The following DHX8 variants were observed in gnomAD, a reference collection of about 807,000 sequenced individuals.
DHX8 encodes ATP-dependent RNA helicase DHX8.
DHX8 carries 67 observed loss-of-function variants against 140.7 expected under a neutral mutation model. That is an observed-to-expected ratio of 0.48 (90% CI 0.39 to 0.58). DHX8 has a LOEUF of 0.58. Among genes scored for constraint, DHX8 ranks in the 20% least tolerant of loss-of-function variants. DHX8 has a pLI of 0.00. For synonymous variants in DHX8, 533 were observed against 553.2 expected (o/e 0.96, Z 0.51); for missense variants, 887 against 1,550.7 (o/e 0.57, Z 7.19).
chr17:43,503,951 C>A (rs1312564395), intron 11 of DHX8, among the ~76,000 whole-genome samples: 1 of 152,046 alleles, frequency 6.6e-6, no homozygotes. Context: ...GTGGCTCATA[C>A]CTGTAATCCC....
downstream of DHX8, chr17:43,544,681 G>T (rs1425226158): frequency 3.4e-6 from 1 of 291,736 alleles, no homozygotes; most frequent in East Asian, 5.6e-5. Flanking sequence ...AGGAAAATGG[G>T]CCTGGGGCCA....
At chr17:43,502,520 G>T (rs12943862) in intron 11 of DHX8, among the ~76,000 whole-genome samples, 2 of 152,162 alleles carry the variant, frequency 1.3e-5, no homozygotes, top group African/African-American at 4.8e-5. Flanking sequence ...TGCCTCCTGG[G>T]TTCAAGCGAT....
chr17:43,499,912 T>C (rs762859536), intron 10 of DHX8, 44 bp from the exon 11 acceptor site: 1 of 1,606,464 alleles, frequency 6.2e-7, no homozygotes. Flanking sequence ...ACATATTATT[T>C]CCCGGACATT....
downstream of DHX8, chr17:43,529,741 C>A: frequency 1.3e-6 from 2 of 1,590,280 alleles, no homozygotes; most frequent in South Asian, 2.3e-5. Context: ...AACCGCCTCC[C>A]ACCCGAGGGA....
Position 43,493,819 on chromosome 17 carries a change from A to G in DHX8, c.1145A>G (p.Glu382Gly), listed in dbSNP as rs1968685987. 1.9e-6 allele frequency: 3 copies of G among 1,614,110 alleles called. No individual in the cohort carries two copies. In the Admixed American group the frequency reaches 5.0e-5, roughly 27 times the overall value. ...TCCCTTGTCAGTGCTCCTGAAGTAGAGGACGACTCACTGGAACGCAAGCGC... is the reference window on the plus strand; with the variant it reads ...TCCCTTGTCAGTGCTCCTGAAGTAGGGGACGACTCACTGGAACGCAAGCGC... ...HLSLVSAPEV[E>G]DDSLERKRLT... Residue 382 changes from glutamate to glycine, a missense_variant, in exon 8 of 23, where the codon GAG (glutamate) becomes GGG (glycine). Glu to Gly is a moderately conservative substitution (Grantham distance 98). Around this residue, in one of 9 missense-constraint regions of DHX8, gnomAD observed 98 missense variants for 152.7 expected, o/e 0.64. Coordinates refer to ENST00000262415, the MANE Select transcript of DHX8 (RefSeq NM_004941.3).
Position 43,492,886 on chromosome 17 carries a change from G to A in DHX8, c.709G>A (p.Asp237Asn), listed in dbSNP as rs768523273. ...RSQSPPKDRK[D>N]RDKYGERNLD... The stretch of plus-strand genomic sequence containing the variant: ...TCAGAGTCCCCCCAAAGACCGGAAG[G>A]ACCGGGACAAATATGGAGAGCGGAA... The change falls in exon 6 of 23, where the codon GAC becomes AAC. Residue 237 changes from aspartate to asparagine, a missense_variant. Physicochemically the swap from Asp to Asn is conservative, Grantham distance 23. This residue lies in a region of DHX8 where 304 missense variants were observed against 306.9 expected (regional missense o/e 0.99). Transcript: ENST00000262415. 1.2e-6 allele frequency: 2 copies of A among 1,614,222 alleles called. No individual in the cohort carries two copies. The highest frequency in any genetic ancestry group is 1.7e-6 in the Non-Finnish European group (2 of 1,180,050).
At chr17:43,532,711 C>T (rs1315172985) in intron 2 of DHX8, 3 of 1,613,724 alleles carry the variant, frequency 1.9e-6, no homozygotes, top group Non-Finnish European at 2.5e-6. Flanking sequence ...CCTGTTTGAT[C>T]ACCACCCCCG....
intron 18 of DHX8, chr17:43,517,911 G>A (rs947464539): frequency 6.6e-6 from 1 of 152,254 alleles, no homozygotes; most frequent in Non-Finnish European, 1.5e-5. Context: ...GTACTTTCTG[G>A]TGCAGAGTGC....
At chr17:43,520,477 A>G (rs1970322040) in intron 19 of DHX8, among the ~76,000 whole-genome samples, 1 of 152,176 alleles carries the variant, frequency 6.6e-6, no homozygotes, top group African/African-American at 2.4e-5. Flanking sequence ...TTGCCTGAGG[A>G]TGTATTACTG....
intron 1 of DHX8, among the ~76,000 whole-genome samples, chr17:43,487,307 T>C (rs1968223312): frequency 6.6e-6 from 1 of 152,250 alleles, no homozygotes. Context: ...ATCAGAAAGA[T>C]AAAGGCACAT....
chr17:43,533,997 G>T (rs1479582225), intron 2 of DHX8: 1 of 1,520,766 alleles, frequency 6.6e-7, no homozygotes. Flanking sequence ...TGTGGGGGTG[G>T]AGGGGACAGA....
intron 11 of DHX8, among the ~76,000 whole-genome samples, chr17:43,500,531 T>C (rs1263403103): frequency 1.3e-5 from 2 of 152,054 alleles, no homozygotes; most frequent in African/African-American, 4.8e-5. Flanking sequence ...TTAGAGCATG[T>C]TTGGTTTTTT....
At chr17:43,537,465 G>A (rs1488269016) in intron 3 of DHX8, among the ~76,000 whole-genome samples, 2 of 151,924 alleles carry the variant, frequency 1.3e-5, no homozygotes, top group African/African-American at 4.8e-5. Context: ...AGGCTGAGGT[G>A]GGAGGATCAC....
In DHX8 at chr17:43,525,449, C is replaced by G. The variant is rs908005123; in HGVS notation, c.*1602C>G. The G allele has an allele frequency of 1.2e-5, 12 of 984,632 alleles. No homozygotes were observed. Among genetic ancestry groups the G allele is most frequent in the East Asian group, 1.1e-4 (1 of 8,806 alleles). The allele number at this position is 984,632 out of a possible 1,614,324, so 61.0% of individuals were successfully genotyped here. ...CAATCTGCTGGCTGCAGATCCCTGC[C>G]CCTTCATTAAGCTGAGTGCCTCCTG... On this transcript the variant is annotated 3_prime_UTR_variant, in exon 23 of 23. Coordinates refer to ENST00000262415, the MANE Select transcript of DHX8 (RefSeq NM_004941.3).
In DHX8 at chr17:43,525,335, A is replaced by G. The variant is rs1970576537; in HGVS notation, c.*1488A>G. 9.1e-6 allele frequency: 9 copies of G among 984,726 alleles called. No individual in the cohort carries two copies. The South Asian group carries it at 4.2e-4, about 46-fold the overall frequency. The allele number at this position is 984,726 out of a possible 1,614,324, so 61.0% of individuals were successfully genotyped here. A position where few individuals can be genotyped will look rare whatever the true frequency, so the allele number is the denominator to read the frequency against. On this transcript the variant is annotated 3_prime_UTR_variant, in exon 23 of 23. Coordinates refer to ENST00000262415, the MANE Select transcript of DHX8 (RefSeq NM_004941.3). ...AAGAGAGACTATGTAACATTCCAGG[A>G]TATAAAGGAATGTATGTTGTCACTG...
chr17:43,492,647 T>G, intron 5 of DHX8, 34 bp from the exon 6 acceptor site: 1 of 1,314,262 alleles, frequency 7.6e-7, no homozygotes, highest in Non-Finnish European at 1.1e-6. Flanking sequence ...TCGGATTGGT[T>G]TCTTTTTTAA....
intron 11 of DHX8, among the ~76,000 whole-genome samples, chr17:43,503,144 C>G (rs150892026): frequency 1.4e-4 from 21 of 152,214 alleles, no homozygotes; most frequent in African/African-American, 5.1e-4. Flanking sequence ...AGACAGATCA[C>G]TTGAGTTGGG....
In DHX8 at chr17:43,508,364, T is replaced by A. The variant is rs1969608181; in HGVS notation, c.2346T>A (p.Gly782=). ...PPGDILVFLT[G]QEEIDTACEI... Reference sequence around the variant, plus strand: ...GTGATATCCTGGTCTTCCTGACTGGTCAGGAAGAAATTGATACTGCTTGTG... The same window carrying A: ...GTGATATCCTGGTCTTCCTGACTGGACAGGAAGAAATTGATACTGCTTGTG... The change falls in exon 16 of 23, where the codon GGT becomes GGA. Residue 782 remains glycine (G), a synonymous_variant. Transcript: ENST00000262415. The A allele has an allele frequency of 6.2e-7, 1 of 1,612,614 alleles. No individual in the cohort carries two copies. Among genetic ancestry groups the A allele is most frequent in the Non-Finnish European group, 8.5e-7 (1 of 1,178,964 alleles).
chr17:43,536,530 T>G (rs1449539240), intron 3 of DHX8: 4 of 1,560,900 alleles, frequency 2.6e-6, no homozygotes, highest in Non-Finnish European at 3.5e-6. Context: ...GGTTGTCCCC[T>G]GGGAGGCTCC....
Sources: allele counts gnomAD v4.1 joint callset (sites outside exome capture counted in the v4.1 genomes callset), GRCh38; gene constraint gnomAD v4.1.1; regional missense constraint gnomAD v4.1.1; transcripts MANE v1.5; gene names NCBI Gene and HGNC (gene_info 2026-07-23, HGNC 2026-07-21).